Variants in TTC6 observed in about 807,000 individuals in gnomAD.
TTC6 encodes tetratricopeptide repeat domain 6, also known as tetratricopeptide repeat protein 6.
A neutral mutation model predicts 210.4 loss-of-function variants in TTC6; 172 were observed. The ratio of observed to expected loss-of-function variants is 0.82; its 90% CI spans 0.72 to 0.93. TTC6 has a LOEUF of 0.93. TTC6 is among the 40% of genes least tolerant of loss of function. The probability of loss-of-function intolerance (pLI) is 0.00; values close to 1 mark genes in which losing one functional copy is unlikely to be tolerated. For synonymous variants in TTC6, 804 were observed against 819.6 expected (o/e 0.98, Z 0.32); for missense variants, 2,414 against 2,318.1 (o/e 1.04, Z -0.85).
chr14:37,600,021 T>A (rs573837790), intron 1 of TTC6, among the ~76,000 whole-genome samples: 1 of 152,298 alleles, frequency 6.6e-6, no homozygotes, highest in South Asian at 2.1e-4. Flanking sequence ...TCTGTGCTGC[T>A]GAAAGGATCC....
chr14:37,644,465 C>G (rs1223691288), intron 1 of TTC6, among the ~76,000 whole-genome samples: 1 of 152,172 alleles, frequency 6.6e-6, no homozygotes, highest in African/African-American at 2.4e-5. Flanking sequence ...TTGCACACCA[C>G]TTCTGCTTAT....
At chr14:37,808,565 TAA>T (rs2096123305) in intron 23 of TTC6, among the ~76,000 whole-genome samples, 166 bp from the exon 26 acceptor site, 1 of 152,216 alleles carries the variant, frequency 6.6e-6, no homozygotes, top group African/African-American at 2.4e-5. Context: ...GAGATTTTCT[TAA>T]TTAACTCTGT....
chr14:37,738,899 C>A, exon 10 of TTC6: 1 of 1,535,300 alleles, frequency 6.5e-7, no homozygotes, highest in Middle Eastern at 1.8e-4. Context: ...GAAACGTCAG[C>A]TCCAGCTCAC....
chr14:37,709,353 G>A (rs1332004430), intron 5 of TTC6, among the ~76,000 whole-genome samples: 1 of 152,068 alleles, frequency 6.6e-6, no homozygotes, highest in African/African-American at 2.4e-5. Context: ...GGGTGGCAGA[G>A]ATAGAACTGG....
At position 37,682,793 on chromosome 14, in the gene TTC6, T is replaced by G. The variant is rs955452010; in HGVS notation, c.1086T>G (p.Ser362Arg). 2.6e-6 allele frequency: 4 copies of G among 1,535,532 alleles called. No individual in the cohort carries two copies. In the African/African-American group the frequency reaches 5.5e-5, roughly 21 times the overall value. Residue 362 changes from serine to arginine, a missense_variant, in exon 3 of 31, where the codon AGT becomes AGG. Transcript: ENST00000553443. ...AGGAACTTTCTGAAACCATGTCAAG[T>G]ATTCTCCAGATTGAACAAGAGGATA...
chr14:37,685,299 GT>G (rs2138577270), intron 3 of TTC6, among the ~76,000 whole-genome samples: 1 of 152,236 alleles, frequency 6.6e-6, no homozygotes, highest in Non-Finnish European at 1.5e-5. Context: ...TGCATTTAGA[GT>G]TTTAAAAATA....
At chr14:37,676,009 T>G (rs1419454181) in intron 1 of TTC6, among the ~76,000 whole-genome samples, 1 of 151,980 alleles carries the variant, frequency 6.6e-6, no homozygotes, top group Non-Finnish European at 1.5e-5. Flanking sequence ...CAGCAGAGAG[T>G]TAGTGCTGTG....
intron 1 of TTC6, among the ~76,000 whole-genome samples, chr14:37,627,218 C>T (rs765363728): frequency 3.8e-4 from 58 of 152,134 alleles, no homozygotes; most frequent in Non-Finnish European, 7.4e-4. Context: ...CTGTGCATCC[C>T]GTACAGCCTG....
chr14:37,820,705 C>T (rs1193281675), intron 26 of TTC6, among the ~76,000 whole-genome samples: 3 of 152,108 alleles, frequency 2.0e-5, no homozygotes, highest in Admixed American at 6.6e-5. Context: ...CATAGGTATG[C>T]ATCATAAGTA....
rs2096211317 is a variant in TTC6 at position 37,842,049 on chromosome 14, A to G, written c.5525-106A>G. The G allele has an allele frequency of 6.0e-6, 6 of 1,000,564 alleles. No individual in the cohort carries two copies. In the East Asian group the frequency reaches 1.6e-4, roughly 27 times the overall value. 62.0% of individuals were successfully genotyped at this position (1,000,564 alleles called of 1,614,324 possible). ...AGTATTAAAGTTCTTGATTTCATCCATTGAGTTAATTTTTTTAAAAGTTCT... is the reference window on the plus strand; with the variant it reads ...AGTATTAAAGTTCTTGATTTCATCCGTTGAGTTAATTTTTTTAAAAGTTCT... On this transcript the variant is annotated intron_variant, in intron 30 of 30. Transcript: ENST00000553443.
intron 1 of TTC6, among the ~76,000 whole-genome samples, chr14:37,605,230 G>C (rs1275246743): frequency 1.3e-5 from 2 of 152,136 alleles, no homozygotes; most frequent in Non-Finnish European, 2.9e-5. Flanking sequence ...GATGAAGTTT[G>C]GAAGGGCTGC....
chr14:37,783,581 G>A (rs1006021860), intron 14 of TTC6, among the ~76,000 whole-genome samples: 3 of 151,920 alleles, frequency 2.0e-5, no homozygotes, highest in African/African-American at 7.3e-5. Context: ...CAGAAAAATA[G>A]CTCCTGGATT....
At chr14:37,838,535 T>C (rs1471819705) in intron 29 of TTC6, among the ~76,000 whole-genome samples, 1 of 152,198 alleles carries the variant, frequency 6.6e-6, no homozygotes, top group Non-Finnish European at 1.5e-5. Flanking sequence ...TTCCTCTCTC[T>C]TTTTTATACC....
exon 14 of TTC6, chr14:37,753,222 A>C (rs1382507154): frequency 2.0e-6 from 3 of 1,530,632 alleles, no homozygotes; most frequent in Admixed American, 2.0e-5. Context: ...AGATCACCAA[A>C]ATTCTCAAGC....
At chr14:37,755,075 A>T (rs958763970) in intron 14 of TTC6, among the ~76,000 whole-genome samples, 5 of 152,122 alleles carry the variant, frequency 3.3e-5, no homozygotes, top group Admixed American at 6.6e-5. Context: ...ATCTGTTGTT[A>T]CCTGACTTTT....
In TTC6 at chr14:37,749,840, A is replaced by G. The variant is rs201793851; in HGVS notation, c.2953A>G (p.Thr985Ala). ...TATACATAAATATAATAAAAATAAT[A>G]CAGGTGGGTTGTCTGTAGAGACAGT... The change falls in exon 12 of 31, where the codon ACA becomes GCA. Residue 985 changes from threonine to alanine, a missense_variant. Transcript: ENST00000553443. 198 of 1,384,752 alleles carry G rather than the reference A, an allele frequency of 1.4e-4. No individual in the cohort carries two copies. In the East Asian group the frequency reaches 5.1e-3, roughly 36 times the overall value. 85.8% of individuals were successfully genotyped at this position (1,384,752 alleles called of 1,614,324 possible). A position where few individuals can be genotyped will look rare whatever the true frequency, so the allele number is the denominator to read the frequency against.
chr14:37,667,838 A>G (rs927570513), intron 1 of TTC6, among the ~76,000 whole-genome samples: 1 of 150,500 alleles, frequency 6.6e-6, no homozygotes, highest in Non-Finnish European at 1.5e-5. Context: ...GTATTAATTT[A>G]TTTTAAAATT....
intron 26 of TTC6, 119 bp downstream of exon 28, chr14:37,817,770 T>C (rs2096145658): frequency 7.0e-6 from 7 of 1,004,008 alleles, no homozygotes; most frequent in Non-Finnish European, 7.5e-6. Context: ...GTGAATGTTA[T>C]AGAGTACAAA....
chr14:37,776,043 CTTTTTTTTTTTTT>C (rs1163694975), intron 14 of TTC6, among the ~76,000 whole-genome samples: 1 of 26,270 alleles, frequency 3.8e-5, no homozygotes, highest in African/African-American at 1.1e-4. Context: ...GGTCTTGATT[CTTTTTTTTTTTTT>C]TTTTTTTTTT....
Sources: gnomAD v4.1 joint callset for allele counts (sites outside exome capture counted in the v4.1 genomes callset) on GRCh38, gnomAD v4.1.1 for gene constraint, MANE v1.5 for transcripts, NCBI Gene and HGNC (gene_info 2026-07-23, HGNC 2026-07-21) for gene names.